CNTN1: variants seen among roughly 807,000 people sequenced by gnomAD.
CNTN1 encodes contactin 1.
A neutral mutation model predicts 126.4 loss-of-function variants in CNTN1; 38 were observed. That is an observed-to-expected ratio of 0.30 (90% CI 0.23 to 0.39). The LOEUF (loss-of-function observed/expected upper bound fraction) is 0.39. Ranked by LOEUF, CNTN1 falls within the 10% of genes least tolerant of loss-of-function variation. The pLI is 1.00. For synonymous variants in CNTN1, 413 were observed against 422.6 expected, an observed-to-expected ratio of 0.98 and a Z score of 0.28; for missense variants, 1,009 against 1,248.4, an observed-to-expected ratio of 0.81 and a Z score of 2.89.
intron 1 of CNTN1, among the ~76,000 whole-genome samples, chr12:40,897,094 T>C (rs1944438579): frequency 6.6e-6 from 1 of 152,218 alleles, no homozygotes. Flanking sequence ...CCTAGCATAA[T>C]GCCTAACACA....
At chr12:40,783,342 A>G (rs1939880717) in intron 1 of CNTN1, among the ~76,000 whole-genome samples, 1 of 152,094 alleles carries the variant, frequency 6.6e-6, no homozygotes, top group Non-Finnish European at 1.5e-5. Context: ...ATCAAAAAAT[A>G]TATGTGAGAA....
chr12:40,786,492 T>C (rs1374895550), intron 1 of CNTN1, among the ~76,000 whole-genome samples: 2 of 152,144 alleles, frequency 1.3e-5, no homozygotes, highest in Non-Finnish European at 2.9e-5. Context: ...GATCCCTTCA[T>C]TTTTGGCTTC....
chr12:40,784,482 G>T (rs12426873), intron 1 of CNTN1, among the ~76,000 whole-genome samples: 1 of 152,066 alleles, frequency 6.6e-6, no homozygotes, highest in Non-Finnish European at 1.5e-5. Flanking sequence ...TTTCTGGCAG[G>T]TTATAAATGA....
chr12:40,839,245 T>G (rs1346591127), intron 1 of CNTN1, among the ~76,000 whole-genome samples: 2 of 151,880 alleles, frequency 1.3e-5, no homozygotes, highest in Non-Finnish European at 2.9e-5. Context: ...GAAAAAAAAC[T>G]TAAAAAGAAT....
chr12:40,982,443 GA>G (rs1253954690), intron 16 of CNTN1, among the ~76,000 whole-genome samples: 3 of 152,062 alleles, frequency 2.0e-5, no homozygotes, highest in African/African-American at 7.2e-5. Context: ...CCTGAAAAAA[GA>G]AATACTAATT....
intron 18 of CNTN1, among the ~76,000 whole-genome samples, chr12:41,016,294 C>A (rs550340628): frequency 6.6e-6 from 1 of 151,998 alleles, no homozygotes; most frequent in Admixed American, 6.6e-5. Context: ...AGGTAGGGTG[C>A]GGGACATGGA....
chr12:40,941,793 G>T (rs1294289096), intron 12 of CNTN1, among the ~76,000 whole-genome samples: 2 of 152,010 alleles, frequency 1.3e-5, no homozygotes, highest in Non-Finnish European at 2.9e-5. Flanking sequence ...ATTGTTCCTA[G>T]TTTGTTTGAC....
At chr12:40,767,083 T>A (rs1429759416) in intron 1 of CNTN1, among the ~76,000 whole-genome samples, 1 of 152,132 alleles carries the variant, frequency 6.6e-6, no homozygotes, top group African/African-American at 2.4e-5. Flanking sequence ...ATTATAGTAA[T>A]GAAAAGTTAC....
chr12:40,867,880 TTTA>T (rs138493484), intron 1 of CNTN1, among the ~76,000 whole-genome samples: 167 of 148,216 alleles, frequency 1.1e-3, no homozygotes, highest in Middle Eastern at 3.5e-3. Flanking sequence ...GCTTTCTGAG[TTTA>T]TTATTATTAT....
intron 17 of CNTN1, among the ~76,000 whole-genome samples, chr12:41,003,060 G>C (rs1948404380): frequency 6.6e-6 from 1 of 152,146 alleles, no homozygotes. Context: ...TGCCCATTCA[G>C]TATGATGTTG....
chr12:40,875,111 C>A (rs1333604656), intron 1 of CNTN1, among the ~76,000 whole-genome samples: 1 of 152,156 alleles, frequency 6.6e-6, no homozygotes, highest in East Asian at 1.9e-4. Flanking sequence ...TATAATGACT[C>A]ATGCCTAAAC....
rs189315653 is a variant in CNTN1 at position 40,920,759 on chromosome 12, A to G, written c.228-1497A>G. 9.2e-5 allele frequency among the ~76,000 whole-genome samples: 14 copies of G among 152,096 alleles called. No homozygotes were observed. The East Asian group carries it at 9.7e-4, about 11-fold the overall frequency. On this transcript the variant is annotated intron_variant, in intron 4 of 23. Transcript: ENST00000551295. ...ACTTATAAGCCTTGAGGCTTTCATT[A>G]TCTTGCCCCCATCCCCAAAGAAACA...
chr12:40,836,100 AC>A (rs1942044720), intron 1 of CNTN1, among the ~76,000 whole-genome samples: 2 of 148,480 alleles, frequency 1.3e-5, no homozygotes, highest in South Asian at 4.2e-4. Flanking sequence ...GTATATATAT[AC>A]GTACATATAC....
At chr12:41,044,932 C>T (rs917709872) in intron 23 of CNTN1, among the ~76,000 whole-genome samples, 3 of 151,626 alleles carry the variant, frequency 2.0e-5, no homozygotes, top group South Asian at 2.1e-4. Context: ...TGAGAAACTT[C>T]GTTGTAAAGT....
At chr12:40,981,098 A>G (rs763350703) in intron 16 of CNTN1, 31 bp downstream of exon 16, 12 of 1,609,376 alleles carry the variant, frequency 7.5e-6, no homozygotes, top group Non-Finnish European at 1.0e-5. Flanking sequence ...TAATCCGTGC[A>G]TGTTTTCAAA....
intron 1 of CNTN1, among the ~76,000 whole-genome samples, chr12:40,734,220 C>G (rs1327401907): frequency 6.6e-6 from 1 of 152,052 alleles, no homozygotes; most frequent in Non-Finnish European, 1.5e-5. Context: ...AGCATAAGAA[C>G]TAATGATTAG....
At chr12:40,824,980 C>G (rs1034311903) in intron 1 of CNTN1, among the ~76,000 whole-genome samples, 2 of 152,130 alleles carry the variant, frequency 1.3e-5, no homozygotes, top group African/African-American at 4.8e-5. Flanking sequence ...AGTATCATAG[C>G]GACCGTGTGC....
At chr12:41,037,385 GTA>G (rs201775809) in intron 23 of CNTN1, among the ~76,000 whole-genome samples, 1 of 151,402 alleles carries the variant, frequency 6.6e-6, no homozygotes, top group African/African-American at 2.4e-5. Context: ...ATTTATGTAT[GTA>G]TATATATATA....
At chr12:40,757,054 A>G (rs910285410) in intron 1 of CNTN1, among the ~76,000 whole-genome samples, 1 of 151,994 alleles carries the variant, frequency 6.6e-6, no homozygotes, top group Non-Finnish European at 1.5e-5. Context: ...GGCTTAAACA[A>G]TAATGCAGTT....
Sources: gnomAD v4.1 joint callset for allele counts (sites outside exome capture counted in the v4.1 genomes callset) on GRCh38, gnomAD v4.1.1 for gene constraint, MANE v1.5 for transcripts, NCBI Gene and HGNC (gene_info 2026-07-23, HGNC 2026-07-21) for gene names.